Variants in MUC6 observed in about 807,000 individuals in gnomAD.
MUC6 encodes the protein mucin 6, oligomeric mucus/gel-forming (gene/pseudogene).
A neutral mutation model predicts 201.5 loss-of-function variants in MUC6; 188 were observed. The observed-to-expected ratio is 0.93, with a 90% CI of 0.83 to 1.05. The LOEUF (loss-of-function observed/expected upper bound fraction) is 1.05. Ranked by LOEUF, MUC6 falls within the 50% of genes least tolerant of loss-of-function variation. The pLI, the probability that MUC6 is intolerant of heterozygous loss-of-function variation, is 0.00. For missense variants in MUC6, 2,706 were observed against 3,256.9 expected, an observed-to-expected ratio of 0.83 and a Z score of 4.12; for synonymous variants, 1,228 against 1,389.4, an observed-to-expected ratio of 0.88 and a Z score of 2.58.
Position 1,013,952 on chromosome 11 carries a change from G to A in MUC6, c.7089C>T (p.Cys2363=). 4 of 1,609,520 alleles carry A rather than the reference G, an allele frequency of 2.5e-6. No individual in the cohort carries two copies. The South Asian group carries it at 4.4e-5, about 18-fold the overall frequency. ...AGCGGGTTACCGTCACGTTCGCCATGCACCCCTTGAACGTGATCTCCTCCT... is the reference window on the plus strand; with the variant it reads ...AGCGGGTTACCGTCACGTTCGCCATACACCCCTTGAACGTGATCTCCTCCT... ...EQQEEITFKG[C]MANVTVTRCE... Residue 2363 remains cysteine (C), a synonymous_variant, in exon 32 of 33, where the codon TGC becomes TGT. Coordinates refer to ENST00000421673, the MANE Select transcript of MUC6 (RefSeq NM_005961.3).
Position 1,015,828 on chromosome 11 carries a change from C to A in MUC6, c.6973G>T (p.Ala2325Ser). 1 of 1,583,512 alleles carries A rather than the reference C, an allele frequency of 6.3e-7. No homozygotes were observed. Among genetic ancestry groups the A allele is most frequent in the Non-Finnish European group, 8.6e-7 (1 of 1,162,822 alleles). The change falls in exon 31 of 33, where the codon GCC (alanine) becomes TCC (serine). Residue 2325 changes from alanine (A) to serine (S), a missense_variant. Around this residue, in one of 10 missense-constraint regions of MUC6, gnomAD observed 586 missense variants for 488.0 expected, o/e 1.20. Transcript: ENST00000421673. The stretch of plus-strand genomic sequence containing the variant: ...GCAGAAGCAGGGGTGCTTCCATGGG[C>A]AGTGAGGGAGCTGGTCAGGAACCGT... ...TTRFLTSSLT[A>S]HGSTPASAPV...
At chr11:1,026,919 T>C (rs1272378666) in intron 19 of MUC6, 22 bp downstream of exon 19, 1 of 1,541,446 alleles carries the variant, frequency 6.5e-7, no homozygotes, top group Admixed American at 2.0e-5. Flanking sequence ...GCATTGTCCC[T>C]GCTCCTCGCG....
Position 1,018,663 on chromosome 11 carries a change from G to C in MUC6, c.4138C>G (p.Pro1380Ala). Residue 1380 changes from proline (P) to alanine (A), a missense_variant, in exon 31 of 33, where the codon CCC becomes GCC. Pro to Ala is a conservative substitution (Grantham distance 27). Coordinates refer to ENST00000421673, the MANE Select transcript of MUC6 (RefSeq NM_005961.3). The stretch of plus-strand genomic sequence containing the variant: ...GTCTCTGTGGCTGTGGGCCTCGTGG[G>C]TTGTCCTGGCTGTGGGGTGGTTGGG... ...TGPTTPQPGQPTRPTATETTQ... is the reference protein window; with the variant it reads ...TGPTTPQPGQATRPTATETTQ... The C allele has an allele frequency of 1.9e-6, 3 of 1,613,386 alleles. No homozygotes were observed.
chr11:1,019,050 C>T (rs1427816581), intron 30 of MUC6, among the ~76,000 whole-genome samples: 1 of 152,188 alleles, frequency 6.6e-6, no homozygotes, highest in Non-Finnish European at 1.5e-5. Context: ...TCCCTGTGGC[C>T]GTGGTGGTGG....
At chr11:1,023,827 G>T in intron 25 of MUC6, 120 bp downstream of exon 25, 1 of 1,460,466 alleles carries the variant, frequency 6.8e-7, no homozygotes, top group Non-Finnish European at 9.2e-7. Context: ...TGGCCCCGCA[G>T]GGCACAGCCC....
rs55965773 is a variant in MUC6, at chr11:1,026,048, G to A, written c.2640C>T (p.Asp880=). 269,111 of 1,591,180 alleles carry A rather than the reference G, an allele frequency of 0.17. 24,876 individuals carry two copies. The highest frequency in any genetic ancestry group is 0.19 in the Non-Finnish European group (223,761 of 1,169,062). ...TGCCGTCGAATACGAAGCGCTGGCC[G>A]TCGAAGGTGATGACGTGGCCCTCCC... ...LYGEGHVITF[D]GQRFVFDGNC... is the part of the protein sequence containing the mutation. Residue 880 remains aspartate, a synonymous_variant, in exon 21 of 33, where the codon GAC becomes GAT. Transcript: ENST00000421673.
Position 1,023,935 on chromosome 11 carries a change from G to T in MUC6, c.3382+12C>A. On this transcript the variant is annotated intron_variant, in intron 25 of 32. Transcript: ENST00000421673. ...GGGGCTGGAGCAACCTGTGGGAGGG[G>T]TGGTCACTCACGGCAGAAGGCCGGG... 6.2e-7 allele frequency: 1 copy of T among 1,610,868 alleles called. No homozygotes were observed. Among genetic ancestry groups the T allele is most frequent in the Non-Finnish European group, 8.5e-7 (1 of 1,178,858 alleles).
Position 1,018,568 on chromosome 11 carries a change from CG to C in MUC6, c.4232del (p.Thr1411ArgfsTer45), listed in dbSNP as rs768313459. ...CTGTGGAAGGGACGGGACTCCCCGC[CG>C]TAGGCGGGGAGTGTGTGGTGTGTGG... Reference protein sequence around the residue: ...QTPHTTHSPPTAGSPVPSTGP... With the variant: ...QTPHTTHSPPXAGSPVPSTGP... On this transcript the variant is annotated frameshift_variant, in exon 31 of 33. Transcript: ENST00000421673. LOFTEE classifies it high-confidence loss of function. 95 of 1,601,244 alleles carry C rather than the reference CG, an allele frequency of 5.9e-5. No homozygotes were observed. In the Middle Eastern group the frequency reaches 8.3e-4, roughly 14 times the overall value.
At chr11:1,031,461 G>T in intron 4 of MUC6, 146 bp downstream of exon 4, 1 of 1,320,132 alleles carries the variant, frequency 7.6e-7, no homozygotes, top group Non-Finnish European at 1.0e-6. Flanking sequence ...TGCTGGTCAG[G>T]GGTCAGCACT....
In MUC6 at chr11:1,018,615, C is replaced by T. The variant is rs771583782; in HGVS notation, c.4186G>A (p.Glu1396Lys). 9.9e-6 allele frequency: 16 copies of T among 1,612,506 alleles called. No individual in the cohort carries two copies. In the African/African-American group the frequency reaches 1.9e-4, roughly 19 times the overall value. The change falls in exon 31 of 33, where the codon GAA becomes AAA. Residue 1396 changes from glutamate to lysine, a missense_variant. Physicochemically the swap from Glu to Lys is moderately conservative, Grantham distance 56. Around this residue, in one of 10 missense-constraint regions of MUC6, gnomAD observed 1,850 missense variants for 1,958.3 expected, o/e 0.94. Transcript: ENST00000421673. Reference sequence around the variant, plus strand: ...TGTGGGGTTTGGGGCGTTGTGTATTCAGTAGTCGTTCTTGTTTGAGTGGTC... The same window carrying T: ...TGTGGGGTTTGGGGCGTTGTGTATTTAGTAGTCGTTCTTGTTTGAGTGGTC... ...TETTQTRTTTEYTTPQTPHTT... is the reference protein window; with the variant it reads ...TETTQTRTTTKYTTPQTPHTT...
rs150807489 is a variant in MUC6 at position 1,033,312 on chromosome 11, C to T, written c.53-237G>A. ...TCGTTCACTCCCTCGTTTGTCCACTCAGTCCCAGTTCAGCCGTCAGCCCCT... is the reference window on the plus strand; with the variant it reads ...TCGTTCACTCCCTCGTTTGTCCACTTAGTCCCAGTTCAGCCGTCAGCCCCT... On this transcript the variant is annotated intron_variant, in intron 1 of 32. Coordinates refer to ENST00000421673, the MANE Select transcript of MUC6 (RefSeq NM_005961.3). The surrounding 1 kb of genome is among the most constrained non-coding windows in gnomAD (Gnocchi z 5.6). 5.2e-6 allele frequency: 3 copies of T among 576,748 alleles called. No individual in the cohort carries two copies. Among genetic ancestry groups the T allele is most frequent in the African/African-American group, 3.7e-5 (2 of 53,554 alleles). 35.7% of individuals were successfully genotyped at this position (576,748 alleles called of 1,614,324 possible). A position where few individuals can be genotyped will look rare whatever the true frequency, so the allele number is the denominator to read the frequency against.
At chr11:1,028,425 C>G (rs1857019194) in intron 13 of MUC6, 38 bp from the exon 14 acceptor site, 1 of 1,599,142 alleles carries the variant, frequency 6.3e-7, no homozygotes, top group South Asian at 1.1e-5. Context: ...TGAACCCATC[C>G]CTCCTGCACC....
At position 1,026,231 on chromosome 11, in the gene MUC6, C is replaced by T. The variant is rs932870215; in HGVS notation, c.2547-90G>A. ...GGAGAGGCCAGACTGCACCTCTGGA[C>T]GCCCCCGCCTCTGGGACAGCCCCAC... On this transcript the variant is annotated intron_variant, in intron 20 of 32. Transcript: ENST00000421673. The T allele has an allele frequency of 1.6e-4, 235 of 1,512,088 alleles. 1 individual carries two copies. Among genetic ancestry groups the T allele is most frequent in the African/African-American group, 2.6e-4 (19 of 72,528 alleles). 93.7% of individuals were successfully genotyped at this position (1,512,088 alleles called of 1,614,324 possible).
intron 27 of MUC6, 104 bp from the exon 28 acceptor site, chr11:1,020,838 G>C: frequency 7.1e-7 from 1 of 1,414,004 alleles, no homozygotes; most frequent in Non-Finnish European, 9.7e-7. Context: ...CACCAAGGCT[G>C]TGGTGGAGGG....
chr11:1,024,796 G>T, intron 24 of MUC6, 48 bp downstream of exon 24: 1 of 1,466,834 alleles, frequency 6.8e-7, no homozygotes, highest in Non-Finnish European at 9.3e-7. Flanking sequence ...CGCCCCCACC[G>T]GACATTTGTG....
chr11:1,034,289 T>G (rs1857170758), intron 1 of MUC6, among the ~76,000 whole-genome samples: 1 of 152,188 alleles, frequency 6.6e-6, no homozygotes. Flanking sequence ...TTGAGATCGT[T>G]TTCTGATGGG....
In MUC6 at chr11:1,025,360, G is replaced by A. The variant is rs1659769187; in HGVS notation, c.2807C>T (p.Ser936Phe). Residue 936 changes from serine (S) to phenylalanine (F), a missense_variant, in exon 23 of 33, where the codon TCC (serine) becomes TTC (phenylalanine). Transcript: ENST00000421673. ...GTAGTTTCTGTCCGCCAGCACCACG[G>A]ACAGGCCCTGTGGGGTGGGGTTGGC... ...RAIKIFLGGLSVVLADRNYTV... is the reference protein window; with the variant it reads ...RAIKIFLGGLFVVLADRNYTV... The A allele has an allele frequency of 6.2e-7, 1 of 1,609,534 alleles. No homozygotes were observed. The highest frequency in any genetic ancestry group is 1.3e-5 in the African/African-American group (1 of 74,898).
chr11:1,027,188 C>A lies in MUC6; in HGVS notation c.2237G>T (p.Cys746Phe). The A allele has an allele frequency of 1.9e-6, 3 of 1,612,406 alleles. No homozygotes were observed. The highest frequency in any genetic ancestry group is 2.5e-6 in the Non-Finnish European group (3 of 1,179,692). The change falls in exon 18 of 33, where the codon TGC becomes TTC. Residue 746 changes from cysteine (C) to phenylalanine (F), a missense_variant. Cys to Phe is a radical substitution (Grantham distance 205). Around this residue, in one of 10 missense-constraint regions of MUC6, gnomAD observed 1,850 missense variants for 1,958.3 expected, o/e 0.94. Transcript: ENST00000421673. ...CGGGCAACTCAGCCGCCCGTTGATGCAGTGGCTGCAAGAGAGAGGCTGCGT... is the reference window on the plus strand; with the variant it reads ...CGGGCAACTCAGCCGCCCGTTGATGAAGTGGCTGCAAGAGAGAGGCTGCGT... ...STVINGITCH[C>F]INGRLSCPQR...
rs374489409 is a variant in MUC6 at position 1,023,495 on chromosome 11, C to T, written c.3526+14G>A. On this transcript the variant is annotated intron_variant, in intron 26 of 32. Transcript: ENST00000421673. Reference sequence around the variant, plus strand: ...CCCCCTGTGTATCTGCGTTGCCTCCCGGTCACCTGGCACCTTCGATGTTGC... The same window carrying T: ...CCCCCTGTGTATCTGCGTTGCCTCCTGGTCACCTGGCACCTTCGATGTTGC... The T allele has an allele frequency of 2.6e-5, 40 of 1,562,654 alleles. No homozygotes were observed. The African/African-American group carries it at 3.3e-4, about 13-fold the overall frequency.
Sources: gnomAD v4.1 joint callset for allele counts (sites outside exome capture counted in the v4.1 genomes callset) on GRCh38, gnomAD v4.1.1 for gene constraint, gnomAD v4.1.1 regional missense constraint, Gnocchi (gnomAD v3.1) non-coding constraint, MANE v1.5 for transcripts, NCBI Gene and HGNC (gene_info 2026-07-23, HGNC 2026-07-21) for gene names.